The following SAMD12 variants were observed in gnomAD, a reference collection of about 807,000 sequenced individuals.
The protein encoded by SAMD12 is sterile alpha motif domain containing 12, also known as sterile alpha motif domain-containing protein 12.
A neutral mutation model predicts 15.0 loss-of-function variants in SAMD12; 9 were observed. That is an observed-to-expected ratio of 0.60 (90% CI 0.36 to 1.05). SAMD12 has a LOEUF of 1.05. SAMD12 is among the 50% of genes least tolerant of loss of function. The probability of loss-of-function intolerance (pLI) is 0.01; values close to 1 mark genes in which losing one functional copy is unlikely to be tolerated. For synonymous variants in SAMD12, 86 were observed against 90.1 expected (o/e 0.96, Z 0.25); for missense variants, 230 against 234.2 (o/e 0.98, Z 0.12).
intron 1 of SAMD12, chr8:118,620,964 GTTTT>G (rs1233197987): frequency 6.6e-6 from 1 of 151,674 alleles, no homozygotes; most frequent in African/African-American, 2.4e-5. Context: ...CCGGTCCACA[GTTTT>G]TTTTTCTTCT....
chr8:118,540,540 G>A (rs1825960509), intron 2 of SAMD12, among the ~76,000 whole-genome samples: 1 of 152,102 alleles, frequency 6.6e-6, no homozygotes, highest in Admixed American at 6.5e-5. Context: ...CACCCCTACT[G>A]TTTGTCAAGG....
At chr8:118,347,919 C>T (rs1189060480) in intron 4 of SAMD12, among the ~76,000 whole-genome samples, 7 of 152,270 alleles carry the variant, frequency 4.6e-5, no homozygotes, top group Middle Eastern at 3.4e-3. Flanking sequence ...TAACATTGCA[C>T]GCACTGAATC....
chr8:118,381,686 A>G (rs1819679736), intron 3 of SAMD12, among the ~76,000 whole-genome samples: 1 of 152,172 alleles, frequency 6.6e-6, no homozygotes, highest in Non-Finnish European at 1.5e-5. Flanking sequence ...AGGCAAGGAA[A>G]TGAATTATCT....
intron 2 of SAMD12, among the ~76,000 whole-genome samples, chr8:118,580,001 T>A (rs1441836187): frequency 6.6e-6 from 1 of 152,158 alleles, no homozygotes. Flanking sequence ...CTGTACTTCT[T>A]CACCAATGCC....
intron 2 of SAMD12, among the ~76,000 whole-genome samples, chr8:118,446,603 G>A (rs1822921862): frequency 1.3e-5 from 2 of 152,046 alleles, no homozygotes; most frequent in South Asian, 4.2e-4. Flanking sequence ...CACAGCATCC[G>A]AAAACGTATC....
At chr8:118,354,575 C>T (rs1818132853) in intron 4 of SAMD12, among the ~76,000 whole-genome samples, 1 of 152,166 alleles carries the variant, frequency 6.6e-6, no homozygotes, top group African/African-American at 2.4e-5. Flanking sequence ...AGCTGGAAGC[C>T]ACCTCTGGTT....
intron 2 of SAMD12, among the ~76,000 whole-genome samples, chr8:118,524,019 T>C (rs976199694): frequency 1.3e-5 from 2 of 152,264 alleles, no homozygotes; most frequent in Admixed American, 1.3e-4. Flanking sequence ...TCCATCAGCA[T>C]ATAAACATCT....
intron 2 of SAMD12, among the ~76,000 whole-genome samples, chr8:118,495,008 G>A (rs1212835503): frequency 6.6e-6 from 1 of 152,178 alleles, no homozygotes; most frequent in Non-Finnish European, 1.5e-5. Flanking sequence ...CTGGGGATAT[G>A]AAAGTCTGTA....
At position 118,481,519 on chromosome 8, in the gene SAMD12, A is replaced by G. The variant is rs531241605; in HGVS notation, c.193-41558T>C. On this transcript the variant is annotated intron_variant, in intron 2 of 3. Transcript: ENST00000314727. ...AGGGGACAAAGGAAGACTAAGAAAG[A>G]ACCAGTTAATTTTCTATAAGGAATA... Among the ~76,000 whole-genome samples the G allele has an allele frequency of 8.5e-5, 13 of 152,314 alleles. No homozygotes were observed. In the East Asian group the frequency reaches 2.1e-3, roughly 25 times the overall value.
chr8:118,364,286 G>A (rs1205044238), intron 4 of SAMD12, among the ~76,000 whole-genome samples: 2 of 152,192 alleles, frequency 1.3e-5, no homozygotes, highest in Admixed American at 1.3e-4. Flanking sequence ...GGGGAAATAG[G>A]AGGTGGAATT....
rs575494803 is a variant in SAMD12, at chr8:118,371,346, C to T, written c.433+8214G>A. Among the ~76,000 whole-genome samples, 5 of 152,058 alleles carry T rather than the reference C, an allele frequency of 3.3e-5. No individual in the cohort carries two copies. The South Asian group carries it at 1.0e-3, about 32-fold the overall frequency. On this transcript the variant is annotated intron_variant, in intron 4 of 4. Transcript: ENST00000409003. The stretch of plus-strand genomic sequence containing the variant: ...AATTGAGGGAGCAGGACAGAGACTT[C>T]AGATCAAATGATAACTAGAATGTTA...
At chr8:118,231,209 G>A (rs1387946963) in intron 4 of SAMD12, among the ~76,000 whole-genome samples, 2 of 152,160 alleles carry the variant, frequency 1.3e-5, no homozygotes, top group Admixed American at 6.5e-5. Flanking sequence ...TCAACTCTGT[G>A]CTACAGCAGG....
the SAMD12 span, among the ~76,000 whole-genome samples, chr8:118,144,686 G>T: frequency 6.6e-6 from 1 of 152,162 alleles, no homozygotes; most frequent in African/African-American, 2.4e-5. Flanking sequence ...GGTGGGAAAA[G>T]GGAGAGAGAG....
intron 4 of SAMD12, among the ~76,000 whole-genome samples, chr8:118,289,200 A>T (rs1814224593): frequency 6.6e-6 from 1 of 152,156 alleles, no homozygotes; most frequent in Non-Finnish European, 1.5e-5. Context: ...ACCCCATCAG[A>T]CTTCTGGGGA....
At chr8:118,197,963 G>A (rs1172655240) in intron 4 of SAMD12, among the ~76,000 whole-genome samples, 3 of 152,204 alleles carry the variant, frequency 2.0e-5, no homozygotes, top group Admixed American at 6.5e-5. Flanking sequence ...CTGAGAAATA[G>A]GTGAAGCTGC....
intron 2 of SAMD12, among the ~76,000 whole-genome samples, chr8:118,548,212 T>C (rs1445971156): frequency 6.6e-6 from 1 of 152,220 alleles, no homozygotes; most frequent in Non-Finnish European, 1.5e-5. Flanking sequence ...AGACAAAAGC[T>C]GTAACATATA....
intron 2 of SAMD12, among the ~76,000 whole-genome samples, chr8:118,539,368 T>G (rs559244916): frequency 6.6e-6 from 1 of 152,308 alleles, no homozygotes; most frequent in Admixed American, 6.5e-5. Flanking sequence ...ATAATTACCC[T>G]AGAAGAAGAG....
intron 2 of SAMD12, among the ~76,000 whole-genome samples, chr8:118,513,195 A>T (rs897189464): frequency 6.6e-6 from 1 of 152,188 alleles, no homozygotes; most frequent in Admixed American, 6.5e-5. Context: ...CAAAACCAGA[A>T]CCCATACAAA....
intron 2 of SAMD12, among the ~76,000 whole-genome samples, chr8:118,526,140 T>C (rs1825530694): frequency 6.6e-6 from 1 of 152,194 alleles, no homozygotes; most frequent in South Asian, 2.1e-4. Context: ...TGGAAGCTTA[T>C]TAGCATCCTG....
Sources: gnomAD v4.1 joint callset for allele counts (sites outside exome capture counted in the v4.1 genomes callset) on GRCh38, gnomAD v4.1.1 for gene constraint, MANE v1.5 for transcripts, NCBI Gene and HGNC (gene_info 2026-07-23, HGNC 2026-07-21) for gene names.